The following DIAPH2 variants were observed in gnomAD, a reference collection of about 807,000 sequenced individuals.
DIAPH2 encodes the protein protein diaphanous homolog 2.
DIAPH2 carries 35 observed loss-of-function variants against 92.7 expected under a neutral mutation model. The ratio of observed to expected loss-of-function variants is 0.38; its 90% confidence interval spans 0.29 to 0.50. The LOEUF (loss-of-function observed/expected upper bound fraction) is 0.50, where lower values mean the gene tolerates loss of function less well. DIAPH2 is among the 20% of genes least tolerant of loss of function. The pLI is 0.94. For synonymous variants in DIAPH2, 301 were observed against 280.4 expected (o/e 1.07, Z -0.73); for missense variants, 701 against 819.5 (o/e 0.86, Z 1.77).
intron 23 of DIAPH2, among the ~76,000 whole-genome samples, chrX:97,302,530 T>C (rs1424229965): frequency 9.1e-6 from 1 of 109,385 alleles, no homozygotes. Flanking sequence ...AAACTCTATC[T>C]CCAAAAAATA....
At chrX:97,422,259 T>C in intron 25 of DIAPH2, among the ~76,000 whole-genome samples, 1 of 111,070 alleles carries the variant, frequency 9.0e-6, no homozygotes, top group South Asian at 3.8e-4. Flanking sequence ...ATATTTAGAT[T>C]TTATTATCTG....
At chrX:97,370,634 G>C (rs1407460305) in intron 24 of DIAPH2, among the ~76,000 whole-genome samples, 1 of 111,745 alleles carries the variant, frequency 8.9e-6, no homozygotes, top group African/African-American at 3.3e-5. Flanking sequence ...ATTTCCCTAA[G>C]AGTTATGCAG....
chrX:97,488,728 T>A (rs1048991831), intron 26 of DIAPH2, among the ~76,000 whole-genome samples: 14 of 112,329 alleles, frequency 1.2e-4, no homozygotes, highest in Non-Finnish European at 2.4e-4. Context: ...TCTGTGTTCT[T>A]GGCACCCCAT....
At chrX:96,892,776 A>G (rs1451915068) in intron 5 of DIAPH2, among the ~76,000 whole-genome samples, 1 of 111,793 alleles carries the variant, frequency 8.9e-6, no homozygotes, top group Non-Finnish European at 1.9e-5. Flanking sequence ...TTATTTTATT[A>G]CTATGTAAGC....
intron 4 of DIAPH2, among the ~76,000 whole-genome samples, chrX:96,784,150 A>T (rs1019359752): frequency 4.5e-5 from 5 of 112,347 alleles, no homozygotes; most frequent in African/African-American, 6.5e-5. Flanking sequence ...AATATTCCAC[A>T]TAGATGCATG....
chrX:97,313,453 T>C (rs951869062), intron 23 of DIAPH2, among the ~76,000 whole-genome samples: 4 of 112,186 alleles, frequency 3.6e-5, no homozygotes, highest in Admixed American at 1.9e-4. Context: ...ATCGTGCTGC[T>C]TCTTTCAACT....
At chrX:97,095,962 C>G (rs1488143553) in intron 19 of DIAPH2, among the ~76,000 whole-genome samples, 1 of 111,660 alleles carries the variant, frequency 9.0e-6, no homozygotes, top group Non-Finnish European at 1.9e-5. Flanking sequence ...AACCTTCATA[C>G]TTATCCAGAA....
chrX:97,476,091 A>G (rs2147812636), intron 26 of DIAPH2, among the ~76,000 whole-genome samples: 1 of 112,346 alleles, frequency 8.9e-6, no homozygotes, highest in African/African-American at 3.2e-5. Context: ...CTTTCATTCT[A>G]AGTGAAATGT....
intron 21 of DIAPH2, among the ~76,000 whole-genome samples, chrX:97,121,976 A>G (rs778225163): frequency 8.9e-6 from 1 of 111,955 alleles, no homozygotes; most frequent in South Asian, 3.7e-4. Context: ...GTGAGGTTAT[A>G]TAATTTGTCC....
At chrX:97,397,363 A>T (rs1304568183) in intron 25 of DIAPH2, among the ~76,000 whole-genome samples, 1 of 1,702 alleles carries the variant, frequency 5.9e-4, no homozygotes, top group Non-Finnish European at 0.042. Flanking sequence ...TGTACTTTAA[A>T]AAAAAAAATT....
intron 24 of DIAPH2, among the ~76,000 whole-genome samples, chrX:97,368,279 G>GTC (rs1340077332): frequency 1.8e-5 from 2 of 111,819 alleles, no homozygotes; most frequent in African/African-American, 6.5e-5. Context: ...TCCACTTCAT[G>GTC]TCTATGGATA....
chrX:97,189,484 G>T (rs1214139592), intron 22 of DIAPH2, among the ~76,000 whole-genome samples: 1 of 87,281 alleles, frequency 1.1e-5, no homozygotes, highest in Non-Finnish European at 2.1e-5. Context: ...GTAATGGCTG[G>T]ACACTACAGA....
At chrX:97,269,756 T>TA (rs1424466571) in intron 23 of DIAPH2, among the ~76,000 whole-genome samples, 8 of 105,396 alleles carry the variant, frequency 7.6e-5, no homozygotes, top group African/African-American at 2.8e-4. Context: ...TTTTTATTTT[T>TA]TTTTTTTTTT....
intron 17 of DIAPH2, among the ~76,000 whole-genome samples, chrX:97,011,747 C>T (rs1483099898): frequency 3.7e-5 from 4 of 108,570 alleles, no homozygotes; most frequent in Non-Finnish European, 5.7e-5. Flanking sequence ...AAAAAATTAG[C>T]CGGGTGTGCT....
intron 4 of DIAPH2, among the ~76,000 whole-genome samples, chrX:96,879,556 C>T (rs1196541438): frequency 9.1e-6 from 1 of 110,445 alleles, no homozygotes; most frequent in Non-Finnish European, 1.9e-5. Flanking sequence ...GTGAGTTGGC[C>T]GAGCAAAAAT....
chrX:97,211,903 C>T (rs184506144), intron 22 of DIAPH2, among the ~76,000 whole-genome samples: 1 of 111,459 alleles, frequency 9.0e-6, no homozygotes, highest in Non-Finnish European at 1.9e-5. Context: ...GAAGATTGCC[C>T]TTGTGTACAG....
chrX:97,206,942 A>C (rs750251262), intron 22 of DIAPH2, among the ~76,000 whole-genome samples: 11 of 111,020 alleles, frequency 9.9e-5, no homozygotes, highest in African/African-American at 3.6e-4. Context: ...TCTATTACCA[A>C]TTACCTTGAC....
chrX:97,520,552 A>C (rs1023248444), intron 26 of DIAPH2, among the ~76,000 whole-genome samples: 1 of 112,480 alleles, frequency 8.9e-6, no homozygotes, highest in Non-Finnish European at 1.9e-5. Context: ...CTATTTAGAT[A>C]GAACACAGAT....
At chrX:97,584,018 C>T (rs755525559) in intron 26 of DIAPH2, among the ~76,000 whole-genome samples, 1 of 112,793 alleles carries the variant, frequency 8.9e-6, no homozygotes, top group Non-Finnish European at 1.9e-5. Context: ...GGCAATGCCT[C>T]GCCCTGCTTT....
Sources: gnomAD v4.1 joint callset for allele counts (sites outside exome capture counted in the v4.1 genomes callset) on GRCh38, gnomAD v4.1.1 for gene constraint, MANE v1.5 for transcripts, NCBI Gene and HGNC (gene_info 2026-07-23, HGNC 2026-07-21) for gene names.